DIS3: variants seen among roughly 807,000 people sequenced by gnomAD.
DIS3 encodes the protein exosome complex exonuclease RRP44.
Under a neutral mutation model 113.0 loss-of-function variants are expected in DIS3, and 103 were observed. That is an observed-to-expected ratio of 0.91 (90% CI 0.78 to 1.07). DIS3 has a LOEUF of 1.07. DIS3 is among the 50% of genes least tolerant of loss of function. DIS3 has a pLI of 0.00. For missense variants in DIS3, 1,121 were observed against 1,167.1 expected (o/e 0.96, Z 0.58); for synonymous variants, 402 against 394.3 (o/e 1.02, Z -0.23).
In DIS3 at chr13:72,760,652, C is replaced by CTAAA; in HGVS notation, c.2671-5_2671-2dup. The stretch of plus-strand genomic sequence containing the variant: ...TATCTTCTATTTTAAGTGAGGGTAT[C>CTAAA]TAAACAAAACACATTTTATCATTCT... On this transcript the variant is annotated splice_acceptor_variant, in intron 19 of 20. Coordinates refer to ENST00000377767, the MANE Select transcript of DIS3 (RefSeq NM_014953.5). LOFTEE classifies it high-confidence loss of function. The CTAAA allele has an allele frequency of 6.2e-7, 1 of 1,611,216 alleles. No homozygotes were observed. Among genetic ancestry groups the CTAAA allele is most frequent in the Non-Finnish European group, 8.5e-7 (1 of 1,178,774 alleles).
chr13:72,775,302 T>G lies in DIS3; in HGVS notation c.896A>C (p.Lys299Thr), dbSNP rs750569264. ...EDIVAVELLP[K>T]SQWVAPSSVV... ...AGAAGATGGTGCTACCCACTGACTC[T>G]TGGGGAGAAGCTCCACAGCCACAAT... Residue 299 changes from lysine (K) to threonine (T), a missense_variant, in exon 6 of 21, where the codon AAG (lysine) becomes ACG (threonine). Coordinates refer to ENST00000377767, the MANE Select transcript of DIS3 (RefSeq NM_014953.5). The G allele has an allele frequency of 3.1e-6, 5 of 1,613,848 alleles. No individual in the cohort carries two copies. The highest frequency in any genetic ancestry group is 4.2e-6 in the Non-Finnish European group (5 of 1,179,780).
Position 72,755,665 on chromosome 13 carries a change from A to AAACT in DIS3, c.*4126_*4129dup, listed in dbSNP as rs1244949258. ...CCTATGTGAAGAAATCTTAGATATA[A>AAACT]AACTAACTTTTCAAAGATACAAAAG... On this transcript the variant is annotated 3_prime_UTR_variant, in exon 21 of 21. Coordinates refer to ENST00000377767, the MANE Select transcript of DIS3 (RefSeq NM_014953.5). 14 of 388,782 alleles carry AAACT rather than the reference A, an allele frequency of 3.6e-5. No individual in the cohort carries two copies. The highest frequency in any genetic ancestry group is 5.9e-5 in the Non-Finnish European group (13 of 220,456). The allele number at this position is 388,782 out of a possible 1,614,324, so 24.1% of individuals were successfully genotyped here. A position where few individuals can be genotyped will look rare whatever the true frequency, so the allele number is the denominator to read the frequency against.
intron 16 of DIS3, among the ~76,000 whole-genome samples, chr13:72,763,026 C>T (rs1486917500): frequency 1.3e-5 from 2 of 152,074 alleles, no homozygotes; most frequent in African/African-American, 4.8e-5. Flanking sequence ...GGTGCGGTGG[C>T]TCACACCTGT....
Position 72,755,026 on chromosome 13 carries a change from C to A in DIS3, c.*4769G>T. 1.4e-6 allele frequency: 1 copy of A among 711,472 alleles called. No homozygotes were observed. The highest frequency in any genetic ancestry group is 1.8e-5 in the South Asian group (1 of 56,710). 44.1% of individuals were successfully genotyped at this position (711,472 alleles called of 1,614,324 possible). A position where few individuals can be genotyped will look rare whatever the true frequency, so the allele number is the denominator to read the frequency against. ...AATATTGATTTATAAAATACTGTAT[C>A]TTTACTGTCCCTTCAGAGTTCAGCT... On this transcript the variant is annotated 3_prime_UTR_variant, in exon 21 of 21. Transcript: ENST00000377767.
chr13:72,756,044 C>CAACT lies in DIS3; in HGVS notation c.*3747_*3750dup. On this transcript the variant is annotated 3_prime_UTR_variant, in exon 21 of 21. Transcript: ENST00000377767. Reference sequence around the variant, plus strand: ...CTGGGGCAGATATGTATGTTATATACAACTATTTTTTTAAAAAACTTATAT... The same window carrying CAACT: ...CTGGGGCAGATATGTATGTTATATACAACTAACTATTTTTTTAAAAAACTTATAT... 2.5e-6 allele frequency: 1 copy of CAACT among 398,238 alleles called. No homozygotes were observed. The highest frequency in any genetic ancestry group is 1.3e-4 in the South Asian group (1 of 7,818). 24.7% of individuals were successfully genotyped at this position (398,238 alleles called of 1,614,324 possible). A position where few individuals can be genotyped will look rare whatever the true frequency, so the allele number is the denominator to read the frequency against.
chr13:72,765,915 G>C, intron 15 of DIS3, 57 bp downstream of exon 15: 1 of 1,231,780 alleles, frequency 8.1e-7, no homozygotes, highest in East Asian at 2.5e-5. Flanking sequence ...ACTTACAGTA[G>C]ACATGACAAT....
chr13:72,773,243 T>TG (rs1238078845), intron 8 of DIS3, among the ~76,000 whole-genome samples: 2 of 152,068 alleles, frequency 1.3e-5, no homozygotes, highest in African/African-American at 4.8e-5. Flanking sequence ...GAGGCTGAGG[T>TG]GGGTGGATCA....
intron 13 of DIS3, among the ~76,000 whole-genome samples, chr13:72,770,056 T>A (rs191492465): frequency 4.6e-5 from 7 of 152,168 alleles, no homozygotes; most frequent in African/African-American, 1.7e-4. Flanking sequence ...GACTTAAACA[T>A]CATTTCTGTG....
intron 13 of DIS3, among the ~76,000 whole-genome samples, chr13:72,770,091 G>A (rs902779314): frequency 6.6e-6 from 1 of 152,162 alleles, no homozygotes; most frequent in Non-Finnish European, 1.5e-5. Flanking sequence ...AAGAAGTGGT[G>A]TACCTGCTGA....
chr13:72,778,450 A>G (rs986580826), intron 2 of DIS3, 70 bp from the exon 3 acceptor site: 53 of 1,299,778 alleles, frequency 4.1e-5, no homozygotes, highest in Non-Finnish European at 2.1e-5. Flanking sequence ...CTCTTAGCAC[A>G]TAAATGCTTA....
At chr13:72,778,806 A>C (rs1009549345) in intron 2 of DIS3, among the ~76,000 whole-genome samples, 1 of 152,220 alleles carries the variant, frequency 6.6e-6, no homozygotes, top group Non-Finnish European at 1.5e-5. Context: ...ATCATTTATA[A>C]TCAGAATTCT....
In DIS3 at chr13:72,755,021, T is replaced by A. The variant is rs2033411156; in HGVS notation, c.*4774A>T. On this transcript the variant is annotated 3_prime_UTR_variant, in exon 21 of 21. Transcript: ENST00000377767. ...TGCAGAATATTGATTTATAAAATAC[T>A]GTATCTTTACTGTCCCTTCAGAGTT... The A allele has an allele frequency of 3.0e-6, 2 of 672,708 alleles. No homozygotes were observed. 41.7% of individuals were successfully genotyped at this position (672,708 alleles called of 1,614,324 possible). A position where few individuals can be genotyped will look rare whatever the true frequency, so the allele number is the denominator to read the frequency against.
At chr13:72,775,145 T>C in intron 6 of DIS3, 66 bp downstream of exon 6, 1 of 1,453,018 alleles carries the variant, frequency 6.9e-7, no homozygotes, top group Non-Finnish European at 9.2e-7. Flanking sequence ...AAACTTGTTT[T>C]CCAAAGCTGA....
Position 72,773,983 on chromosome 13 carries a change from G to A in DIS3, c.1064C>T (p.Pro355Leu), listed in dbSNP as rs143658695. 19 of 1,611,698 alleles carry A rather than the reference G, an allele frequency of 1.2e-5. No homozygotes were observed. The African/African-American group carries it at 1.9e-4, about 16-fold the overall frequency. The part of the protein sequence containing the change: ...VVGIIKRNWR[P>L]YCGMLSKSDI... ...AGACTTGGAAAGCATGCCACAATAT[G>A]GTCTCCAATTCCTTTTTATTATTCC... is the stretch of plus-strand genomic sequence containing the variant. The change falls in exon 7 of 21, where the codon CCA becomes CTA. Residue 355 changes from proline to leucine, a missense_variant. Physicochemically the swap from Pro to Leu is moderately conservative, Grantham distance 98. Transcript: ENST00000377767.
Position 72,763,563 on chromosome 13 carries a change from A to G in DIS3, c.2015T>C (p.Ile672Thr), listed in dbSNP as rs540437894. ...CTCATGAATTTTTTTTGCAACAGAA[A>G]TATTGGCAAGTAACATAAATTCTTC... is the stretch of plus-strand genomic sequence containing the variant. ...MVEEFMLLAN[I>T]SVAKKIHEEF... Residue 672 changes from isoleucine to threonine, a missense_variant, in exon 16 of 21, where the codon ATT (isoleucine) becomes ACT (threonine). Ile to Thr is a moderately conservative substitution (Grantham distance 89). Transcript: ENST00000377767. The G allele has an allele frequency of 2.5e-6, 4 of 1,613,836 alleles. No individual in the cohort carries two copies. The highest frequency in any genetic ancestry group is 1.1e-5 in the South Asian group (1 of 90,966).
chr13:72,764,313 T>C (rs1283253600), intron 15 of DIS3, among the ~76,000 whole-genome samples: 1 of 152,212 alleles, frequency 6.6e-6, no homozygotes, highest in Non-Finnish European at 1.5e-5. Flanking sequence ...ATTTAGATCA[T>C]ACAAATTTTG....
At chr13:72,765,299 T>C (rs527350879) in intron 15 of DIS3, among the ~76,000 whole-genome samples, 5 of 152,142 alleles carry the variant, frequency 3.3e-5, no homozygotes, top group Non-Finnish European at 7.4e-5. Context: ...GGAAATATAA[T>C]AGTAATAACA....
chr13:72,762,112 G>A lies in DIS3; in HGVS notation c.2153C>T (p.Ala718Val). ...ATCCAAAGACTCAGCCAAAGACTTG[G>A]CTGTATCAGTCTTAATTTCCAAATT... Reference protein sequence around the residue: ...SRNLEIKTDTAKSLAESLDQA... With the variant: ...SRNLEIKTDTVKSLAESLDQA... The change falls in exon 17 of 21, where the codon GCC becomes GTC. Residue 718 changes from alanine to valine, a missense_variant. Physicochemically the swap from Ala to Val is moderately conservative, Grantham distance 64 (BLOSUM62 0). Coordinates refer to ENST00000377767, the MANE Select transcript of DIS3 (RefSeq NM_014953.5). 6.2e-7 allele frequency: 1 copy of A among 1,613,896 alleles called. No homozygotes were observed. The highest frequency in any genetic ancestry group is 8.5e-7 in the Non-Finnish European group (1 of 1,180,000).
At chr13:72,769,901 T>C (rs1432993522) in intron 13 of DIS3, among the ~76,000 whole-genome samples, 1 of 152,148 alleles carries the variant, frequency 6.6e-6, no homozygotes, top group Non-Finnish European at 1.5e-5. Flanking sequence ...TTGGCAAATC[T>C]TGAAGAAAGA....
Sources: gnomAD v4.1 joint callset for allele counts (sites outside exome capture counted in the v4.1 genomes callset) on GRCh38, gnomAD v4.1.1 for gene constraint, MANE v1.5 for transcripts, NCBI Gene and HGNC (gene_info 2026-07-23, HGNC 2026-07-21) for gene names.